The following ACSF3 variants were observed in gnomAD, a reference collection of about 807,000 sequenced individuals.
ACSF3 encodes malonate--CoA ligase ACSF3, mitochondrial.
Under a neutral mutation model 53.2 loss-of-function variants are expected in ACSF3, and 78 were observed. The ratio of observed to expected loss-of-function variants is 1.47; its 90% CI spans 1.22 to 1.77. The LOEUF is 1.77. Ranked by LOEUF, ACSF3 falls within the 40% of genes most tolerant of loss-of-function variation. The pLI, the probability that ACSF3 is intolerant of heterozygous loss-of-function variation, is 0.00. For missense variants in ACSF3, 937 were observed against 771.1 expected (o/e 1.22, Z -2.55); for synonymous variants, 414 against 333.1 (o/e 1.24, Z -2.65).
intron 8 of ACSF3, among the ~76,000 whole-genome samples, chr16:89,143,074 C>T (rs377442747): frequency 3.2e-4 from 49 of 152,096 alleles, no homozygotes; most frequent in African/African-American, 1.1e-3. Context: ...CAAAAAGCAA[C>T]ATTTTAAAAC....
At position 89,098,748 on chromosome 16, in the gene ACSF3, C is replaced by G. The variant is rs1466896036; in HGVS notation, c.-36C>G. The G allele has an allele frequency of 4.4e-6, 2 of 454,072 alleles. No individual in the cohort carries two copies. Among genetic ancestry groups the G allele is most frequent in the South Asian group, 1.6e-5 (1 of 64,484 alleles). The allele number at this position is 454,072 out of a possible 1,614,324, so 28.1% of individuals were successfully genotyped here. A position where few individuals can be genotyped will look rare whatever the true frequency, so the allele number is the denominator to read the frequency against. ...GCGAACTTCCCCTTACCTCCTCTCT[C>G]TGGCTCGGGAGCTGGGTGAGTTTGA... On this transcript the variant is annotated 5_prime_UTR_variant, in exon 2 of 11. Transcript: ENST00000614302.
chr16:89,132,553 C>T (rs1035609383), intron 7 of ACSF3, among the ~76,000 whole-genome samples: 2 of 152,234 alleles, frequency 1.3e-5, no homozygotes, highest in South Asian at 2.1e-4. Flanking sequence ...TGCCTGCATG[C>T]TTAACAGGGG....
intron 3 of ACSF3, chr16:89,102,403 A>C: frequency 3.1e-6 from 2 of 645,490 alleles, no homozygotes; most frequent in East Asian, 5.6e-5. Context: ...TCCCCAGGGT[A>C]AGTGAGTGAC....
intron 8 of ACSF3, among the ~76,000 whole-genome samples, chr16:89,143,823 C>G (rs1231460525): frequency 2.6e-5 from 4 of 152,170 alleles, no homozygotes; most frequent in African/African-American, 9.7e-5. Context: ...CTGGGCACAC[C>G]CATCCGTCTT....
intron 7 of ACSF3, among the ~76,000 whole-genome samples, chr16:89,132,435 G>A (rs1253563725): frequency 6.6e-6 from 1 of 152,172 alleles, no homozygotes; most frequent in East Asian, 1.9e-4. Context: ...TCTGTTCCTG[G>A]TGCTGCAGGG....
chr16:89,120,070 G>A (rs1210794728), intron 6 of ACSF3, among the ~76,000 whole-genome samples: 7 of 152,220 alleles, frequency 4.6e-5, no homozygotes, highest in East Asian at 1.9e-4. Flanking sequence ...AGCCTCTGCC[G>A]TCCCACCAGC....
At position 89,124,345 on chromosome 16, in the gene ACSF3, A is replaced by G. The variant is rs137899848; in HGVS notation, c.1239+3432A>G. Among the ~76,000 whole-genome samples the G allele has an allele frequency of 4.1e-3, 625 of 150,786 alleles. 2 individuals carry two copies. Among genetic ancestry groups the G allele is most frequent in the African/African-American group, 0.014 (589 of 41,418 alleles). ...TGAGACCCGTTTGCACACTACATGT[A>G]TGTGTGTGATACCCCTGTGCACACT... On this transcript the variant is annotated intron_variant, in intron 7 of 10. Coordinates refer to ENST00000614302, the MANE Select transcript of ACSF3 (RefSeq NM_001243279.3).
At chr16:89,150,368 T>A (rs1021396302) in intron 10 of ACSF3, 19 of 152,756 alleles carry the variant, frequency 1.2e-4, no homozygotes, top group African/African-American at 4.6e-4. Context: ...CATTAAACAG[T>A]TACCTTGAGA....
chr16:89,144,978 C>T (rs1912614228), intron 8 of ACSF3, among the ~76,000 whole-genome samples: 1 of 152,226 alleles, frequency 6.6e-6, no homozygotes, highest in African/African-American at 2.4e-5. Context: ...TGACCTGCCC[C>T]TGGAGGAAGT....
At position 89,143,202 on chromosome 16, in the gene ACSF3, G is replaced by A. The variant is rs187271465; in HGVS notation, c.1367-2065G>A. ...CGGTGGTACATCCTCAGTGCCGTGC[G>A]TAGCTTTGGTGCAGTCTCAGCCCCG... On this transcript the variant is annotated intron_variant, in intron 8 of 10. Transcript: ENST00000614302. Among the ~76,000 whole-genome samples, 27 of 151,994 alleles carry A rather than the reference G, an allele frequency of 1.8e-4. No homozygotes were observed. In the South Asian group the frequency reaches 4.1e-3, roughly 23 times the overall value.
chr16:89,100,935 T>C lies in ACSF3; in HGVS notation c.254T>C (p.Leu85Pro). The C allele has an allele frequency of 6.2e-7, 1 of 1,613,864 alleles. No homozygotes were observed. The highest frequency in any genetic ancestry group is 1.1e-5 in the South Asian group (1 of 91,088). The change falls in exon 3 of 11, where the codon CTC becomes CCC. Residue 85 changes from leucine to proline, a missense_variant. By Grantham distance (98) the Leu-to-Pro change is moderately conservative (BLOSUM62 -3). Coordinates refer to ENST00000614302, the MANE Select transcript of ACSF3 (RefSeq NM_001243279.3). ...SLRLSQEICR[L>P]CGCVGGDLRE... ...CGCCTGTCCCAGGAGATCTGCAGGCTCTGCGGGTGTGTCGGCGGGGACCTC... is the reference window on the plus strand; with the variant it reads ...CGCCTGTCCCAGGAGATCTGCAGGCCCTGCGGGTGTGTCGGCGGGGACCTC...
chr16:89,101,205 A>G lies in ACSF3; in HGVS notation c.524A>G (p.Tyr175Cys), dbSNP rs1220712537. 1 of 1,606,840 alleles carries G rather than the reference A, an allele frequency of 6.2e-7. No individual in the cohort carries two copies. The highest frequency in any genetic ancestry group is 2.2e-5 in the East Asian group (1 of 44,672). ...CTGCTGCCGCTCACACCAGCCATCT[A>G]CACTGGAGCAGTAGAGGAACCGGCA... ...VPLLPLTPAI[Y>C]TGAVEEPAEV... Residue 175 changes from tyrosine to cysteine, a missense_variant, in exon 3 of 11, where the codon TAC becomes TGC. Coordinates refer to ENST00000614302, the MANE Select transcript of ACSF3 (RefSeq NM_001243279.3).
chr16:89,109,167 G>A (rs1452873099), intron 4 of ACSF3, among the ~76,000 whole-genome samples: 4 of 144,928 alleles, frequency 2.8e-5, no homozygotes, highest in Non-Finnish European at 4.5e-5. Flanking sequence ...AGGGGGCGGC[G>A]ATTGCAGTGA....
intron 7 of ACSF3, chr16:89,122,555 C>G (rs1906916000): frequency 3.1e-6 from 1 of 317,888 alleles, no homozygotes. Context: ...CCAGCTCAGC[C>G]AGTTCCAACC....
chr16:89,151,220 AAC>A (rs1182026924), intron 10 of ACSF3: 3 of 466,024 alleles, frequency 6.4e-6, no homozygotes, highest in East Asian at 1.4e-4. Context: ...GACTGACGCA[AAC>A]ACTGAAACAG....
In ACSF3 at chr16:89,135,644, G is replaced by T. The variant is rs189531830; in HGVS notation, c.1366+2382G>T. Reference sequence around the variant, plus strand: ...TAGCGCATGCTGATCTGGGGAAACAGCCTGTCCATGACTTCCCTTCAAATG... The same window carrying T: ...TAGCGCATGCTGATCTGGGGAAACATCCTGTCCATGACTTCCCTTCAAATG... On this transcript the variant is annotated intron_variant, in intron 8 of 10. Coordinates refer to ENST00000614302, the MANE Select transcript of ACSF3 (RefSeq NM_001243279.3). Among the ~76,000 whole-genome samples, 363 of 152,352 alleles carry T rather than the reference G, an allele frequency of 2.4e-3. 1 individual carries two copies. The highest frequency in any genetic ancestry group is 7.9e-3 in the African/African-American group (328 of 41,578).
Position 89,141,082 on chromosome 16 carries a change from C to T in ACSF3, c.1367-4185C>T, listed in dbSNP as rs772318690. The T allele has an allele frequency of 1.0e-5, 13 of 1,280,996 alleles. No individual in the cohort carries two copies. The African/African-American group carries it at 2.0e-4, about 20-fold the overall frequency. The allele number at this position is 1,280,996 out of a possible 1,614,324, so 79.4% of individuals were successfully genotyped here. A position where few individuals can be genotyped will look rare whatever the true frequency, so the allele number is the denominator to read the frequency against. On this transcript the variant is annotated intron_variant, in intron 8 of 10. Coordinates refer to ENST00000614302, the MANE Select transcript of ACSF3 (RefSeq NM_001243279.3). ...CATTTCACAGTGATCGCAAGTTGCC[C>T]TGGAGCCCTCTGAACCTTCTGAGTC...
At chr16:89,119,489 G>T (rs952161361) in intron 6 of ACSF3, among the ~76,000 whole-genome samples, 1 of 152,232 alleles carries the variant, frequency 6.6e-6, no homozygotes, top group Non-Finnish European at 1.5e-5. Flanking sequence ...CAATGTGTGT[G>T]CGGAACACCG....
rs1482583240 is a variant in ACSF3 at position 89,146,055 on chromosome 16, G to T, written c.1613+6G>T. 2 of 1,558,726 alleles carry T rather than the reference G, an allele frequency of 1.3e-6. No homozygotes were observed. Among genetic ancestry groups the T allele is most frequent in the Admixed American group, 1.7e-5 (1 of 59,728 alleles). On this transcript the variant is annotated splice_donor_region_variant and intron_variant, in intron 10 of 10. Transcript: ENST00000614302. ...GAGCTCAAAGAGTGGGCCAGGTAGG[G>T]CTGGGTGGGGCGGGCAGGGAGCACT...
Sources: gnomAD v4.1 joint callset for allele counts (sites outside exome capture counted in the v4.1 genomes callset) on GRCh38, gnomAD v4.1.1 for gene constraint, MANE v1.5 for transcripts, NCBI Gene and HGNC (gene_info 2026-07-23, HGNC 2026-07-21) for gene names.